SEC16A: variants seen among roughly 807,000 people sequenced by gnomAD.
SEC16A encodes protein transport protein Sec16A.
Under a neutral mutation model 221.9 loss-of-function variants are expected in SEC16A, and 110 were observed. The observed-to-expected ratio is 0.50, with a 90% CI of 0.42 to 0.58. The LOEUF (loss-of-function observed/expected upper bound fraction) is 0.58. Among genes scored for constraint, SEC16A ranks in the 20% least tolerant of loss-of-function variants. The pLI is 0.00. For missense variants in SEC16A, 3,165 were observed against 3,097.8 expected, an observed-to-expected ratio of 1.02 and a Z score of -0.52; for synonymous variants, 1,393 against 1,257.7, an observed-to-expected ratio of 1.11 and a Z score of -2.28.
In SEC16A at chr9:136,457,468, C is replaced by T. The variant is rs375456122; in HGVS notation, c.5526G>A (p.Pro1842=). ...SILTQPHLYS[P]VLISQLVQMA... Reference sequence around the variant, plus strand: ...CCTGCACAAGCTGGCTGATCAACACCGGGGAATACAGGTGCGGCTGCGTCA... The same window carrying T: ...CCTGCACAAGCTGGCTGATCAACACTGGGGAATACAGGTGCGGCTGCGTCA... The change falls in exon 18 of 32, where the codon CCG becomes CCA. Residue 1842 remains proline (P), a synonymous_variant. Coordinates refer to ENST00000684901, the MANE Select transcript of SEC16A (RefSeq NM_014866.2). The T allele has an allele frequency of 2.7e-5, 44 of 1,606,760 alleles. No homozygotes were observed. The highest frequency in any genetic ancestry group is 4.0e-5 in the African/African-American group (3 of 74,766).
At chr9:136,469,619 C>T (rs764656081) in intron 4 of SEC16A, among the ~76,000 whole-genome samples, 4 of 152,174 alleles carry the variant, frequency 2.6e-5, no homozygotes, top group Admixed American at 6.5e-5. Flanking sequence ...TGAGCTATGA[C>T]GGCACCACTG....
At chr9:136,483,069 C>G (rs1048480136), upstream of SEC16A, 1 of 968,354 alleles carries the variant, frequency 1.0e-6, no homozygotes, top group Non-Finnish European at 1.2e-6. Context: ...CGCCGCGCCG[C>G]CGACGTGTCC....
chr9:136,443,130 G>A (rs182147404), intron 31 of SEC16A, among the ~76,000 whole-genome samples: 1 of 152,360 alleles, frequency 6.6e-6, no homozygotes, highest in East Asian at 1.9e-4. Context: ...AGAGCTGGGG[G>A]CTGAATGAGG....
intron 22 of SEC16A, among the ~76,000 whole-genome samples, chr9:136,451,908 G>A (rs1424693597): frequency 1.3e-5 from 2 of 152,166 alleles, no homozygotes; most frequent in East Asian, 1.9e-4. Context: ...TATAGCAATC[G>A]CCTACTGATG....
chr9:136,466,417 C>T lies in SEC16A; in HGVS notation c.3975G>A (p.Thr1325=), dbSNP rs776734116. 18 of 1,607,258 alleles carry T rather than the reference C, an allele frequency of 1.1e-5. No homozygotes were observed. Among genetic ancestry groups the T allele is most frequent in the African/African-American group, 2.7e-5 (2 of 74,740 alleles). Residue 1325 remains threonine (T), a synonymous_variant, in exon 7 of 32, where the codon ACG becomes ACA. Transcript: ENST00000684901. The surrounding 1 kb of genome is among the most constrained non-coding windows in gnomAD (Gnocchi z 5.5). The part of the protein sequence containing the change: ...DNNWRYDPRF[T]GSFDDDPDPH... ...GATCGGGGTCATCGTCAAAACTCCC[C>T]GTGAAGCGAGGATCGTACCTCCAGT...
chr9:136,467,959 C>A (rs886193275), intron 5 of SEC16A, among the ~76,000 whole-genome samples: 1 of 152,200 alleles, frequency 6.6e-6, no homozygotes, highest in South Asian at 2.1e-4. Flanking sequence ...GGTCGCTGCC[C>A]GGTGGGGTGG....
Position 136,459,152 on chromosome 9 carries a change from G to T in SEC16A, c.5391C>A (p.Cys1797Ter), listed in dbSNP as rs1207100235. 2 of 1,611,434 alleles carry T rather than the reference G, an allele frequency of 1.2e-6. No individual in the cohort carries two copies. The highest frequency in any genetic ancestry group is 1.7e-6 in the Non-Finnish European group (2 of 1,178,244). ...EYAQSLGAET[C>*]PLPSFQVFKF... ...TGCTTACCTGGAAACTAGGCAGGGG[G>T]CAGGTCTCGGCACCCAGGGACTGGG... The change falls in exon 17 of 32, where the codon TGC becomes TGA. Residue 1797 changes from cysteine to a stop codon, truncating the protein, a stop_gained. Transcript: ENST00000684901. LOFTEE classifies it high-confidence loss of function. This position sits in a 1 kb window ranked among gnomAD's most constrained non-coding sequence, Gnocchi z 6.1.
In SEC16A at chr9:136,447,389, GAGGTGAACGCGCC is replaced by G; in HGVS notation, c.6560-38_6560-26del. The G allele has an allele frequency of 1.3e-6, 2 of 1,593,188 alleles. No individual in the cohort carries two copies. The highest frequency in any genetic ancestry group is 1.7e-6 in the Non-Finnish European group (2 of 1,170,200). On this transcript the variant is annotated intron_variant, in intron 26 of 31. Transcript: ENST00000684901. The surrounding 1 kb of genome is among the most constrained non-coding windows in gnomAD (Gnocchi z 5.5). ...GCTGCAAAGGGGAGGGAAGCAAATT[GAGGTGAACGCGCC>G]AGGTGGCCTCCAGCTTCCAAATGCT...
chr9:136,441,891 G>T, intron 31 of SEC16A, 68 bp from the exon 32 acceptor site: 3 of 1,384,196 alleles, frequency 2.2e-6, no homozygotes, highest in Non-Finnish European at 3.1e-6. Context: ...CGGCTGCAGC[G>T]TGGCAGGGGC....
Position 136,475,013 on chromosome 9 carries a change from G to A in SEC16A, c.2603C>T (p.Pro868Leu), listed in dbSNP as rs1397749665. 6 of 1,613,594 alleles carry A rather than the reference G, an allele frequency of 3.7e-6. No homozygotes were observed. The African/African-American group carries it at 6.7e-5, about 18-fold the overall frequency. The change falls in exon 3 of 32, where the codon CCT (proline) becomes CTT (leucine). Residue 868 changes from proline (P) to leucine (L), a missense_variant. Pro to Leu is a moderately conservative substitution (Grantham distance 98, BLOSUM62 -3). Around this residue, in one of 3 missense-constraint regions of SEC16A, gnomAD observed 2,030 missense variants for 1,923.1 expected, o/e 1.06. Transcript: ENST00000684901. The surrounding 1 kb of genome is among the most constrained non-coding windows in gnomAD (Gnocchi z 5.0). ...ACCGAGAGCCCAACTGCTGACTGCA[G>A]GTCTATCCCCCACCAAAGCCTCTCT... ...SWREALVGDR[P>L]AVSSWALGGD...
intron 4 of SEC16A, among the ~76,000 whole-genome samples, chr9:136,470,372 G>A (rs1482419445): frequency 1.3e-5 from 2 of 152,180 alleles, no homozygotes; most frequent in African/African-American, 2.4e-5. Context: ...CTGGCAGGGC[G>A]GCCAGCAGCA....
At chr9:136,484,398 C>T (rs1842752361), upstream of SEC16A, 1 of 1,194,334 alleles carries the variant, frequency 8.4e-7, no homozygotes, top group Non-Finnish European at 1.1e-6. Flanking sequence ...TCTGTGCCCT[C>T]ATTTTTCGGA....
rs1182680482 is a variant in SEC16A, at chr9:136,476,755, T to G, written c.861A>C (p.Gln287His). 1.9e-6 allele frequency: 3 copies of G among 1,610,070 alleles called. No homozygotes were observed. Among genetic ancestry groups the G allele is most frequent in the Non-Finnish European group, 2.5e-6 (3 of 1,177,344 alleles). The change falls in exon 3 of 32, where the codon CAA (glutamine) becomes CAC (histidine). Residue 287 changes from glutamine (Q) to histidine (H), a missense_variant. Coordinates refer to ENST00000684901, the MANE Select transcript of SEC16A (RefSeq NM_014866.2). Reference protein sequence around the residue: ...SDGRDEVSHLQSGSHLANNSD... With the variant: ...SDGRDEVSHLHSGSHLANNSD... ...AGTTATTGGCCAGGTGGCTTCCACT[T>G]TGCAAGTGGCTCACCTCGTCTCTTC... is the stretch of plus-strand genomic sequence containing the variant.
Position 136,447,768 on chromosome 9 carries a change from C to A in SEC16A, c.6447+85G>T. ...AGTCAGGAGGCTCCAAAAGGGGCAA[C>A]AGCCACCCAAATATCACAGGGCCAC... On this transcript the variant is annotated intron_variant, in intron 25 of 31. Transcript: ENST00000684901. The surrounding 1 kb of genome is among the most constrained non-coding windows in gnomAD (Gnocchi z 5.5). The A allele has an allele frequency of 6.5e-7, 1 of 1,544,746 alleles. No individual in the cohort carries two copies. Among genetic ancestry groups the A allele is most frequent in the South Asian group, 1.1e-5 (1 of 87,440 alleles).
chr9:136,440,445 A>C lies in SEC16A; in HGVS notation c.*1310T>G, dbSNP rs999345789. ...GCCAGGAAGGATCTGTGCTAATTCC[A>C]CATTCTACAATTTCTACACTTAAAT... On this transcript the variant is annotated 3_prime_UTR_variant, in exon 32 of 32. Coordinates refer to ENST00000684901, the MANE Select transcript of SEC16A (RefSeq NM_014866.2). The C allele has an allele frequency of 1.3e-5, 2 of 152,608 alleles. No homozygotes were observed. The highest frequency in any genetic ancestry group is 4.1e-4 in the South Asian group (2 of 4,830). The allele number at this position is 152,608 out of a possible 1,614,324, so 9.5% of individuals were successfully genotyped here. A position where few individuals can be genotyped will look rare whatever the true frequency, so the allele number is the denominator to read the frequency against.
chr9:136,468,446 T>G lies in SEC16A; in HGVS notation c.3771A>C (p.Ala1257=). 6.2e-7 allele frequency: 1 copy of G among 1,613,160 alleles called. No individual in the cohort carries two copies. The highest frequency in any genetic ancestry group is 8.5e-7 in the Non-Finnish European group (1 of 1,179,132). Residue 1257 remains alanine, a synonymous_variant, in exon 5 of 32, where the codon GCA becomes GCC. Coordinates refer to ENST00000684901, the MANE Select transcript of SEC16A (RefSeq NM_014866.2). ...SGWSSQSDYY[A]SYYSSQYDYG... ...AATCGTACTGGCTGGAGTAATAGCTTGCATAGTAATCGCTCTGACTGCTCC... is the reference window on the plus strand; with the variant it reads ...AATCGTACTGGCTGGAGTAATAGCTGGCATAGTAATCGCTCTGACTGCTCC...
intron 30 of SEC16A, 56 bp downstream of exon 30, chr9:136,444,996 A>T (rs1274699123): frequency 6.6e-7 from 1 of 1,521,816 alleles, no homozygotes; most frequent in Non-Finnish European, 9.0e-7. Flanking sequence ...CGTGCTCAGG[A>T]ACACAGGCGG....
chr9:136,455,922 A>C, intron 19 of SEC16A, 129 bp from the exon 20 acceptor site: 1 of 1,171,876 alleles, frequency 8.5e-7, no homozygotes, highest in Non-Finnish European at 1.2e-6. Context: ...TTTCTGGGGA[A>C]TTAGGGAATT....
In SEC16A at chr9:136,466,216, T is replaced by C; in HGVS notation, c.4128+48A>G. On this transcript the variant is annotated intron_variant, in intron 7 of 31. Coordinates refer to ENST00000684901, the MANE Select transcript of SEC16A (RefSeq NM_014866.2). This position sits in a 1 kb window ranked among gnomAD's most constrained non-coding sequence, Gnocchi z 5.5. ...TTTAGGTACATTGCAAACAGGATGG[T>C]GGTTCTAAACACAACCGTCCGCGTG... 1 of 1,575,328 alleles carries C rather than the reference T, an allele frequency of 6.3e-7. No individual in the cohort carries two copies. Among genetic ancestry groups the C allele is most frequent in the Non-Finnish European group, 8.6e-7 (1 of 1,157,560 alleles).
Sources: allele counts gnomAD v4.1 joint callset (sites outside exome capture counted in the v4.1 genomes callset), GRCh38; gene constraint gnomAD v4.1.1; regional missense constraint gnomAD v4.1.1; non-coding constraint Gnocchi (gnomAD v3.1); transcripts MANE v1.5; gene names NCBI Gene and HGNC (gene_info 2026-07-23, HGNC 2026-07-21).